The following UBL3 variants were observed in gnomAD, a reference collection of about 807,000 sequenced individuals.
UBL3 encodes the protein ubiquitin like 3.
UBL3 carries 6 observed loss-of-function variants against 18.4 expected under a neutral mutation model. That is an observed-to-expected ratio of 0.33 (90% confidence interval 0.18 to 0.64). The LOEUF is 0.64. Ranked by LOEUF, UBL3 falls within the 30% of genes least tolerant of loss-of-function variation. The pLI is 0.76. For synonymous variants in UBL3, 49 were observed against 46.6 expected, an observed-to-expected ratio of 1.05 and a Z score of -0.21; for missense variants, 109 against 142.9, an observed-to-expected ratio of 0.76 and a Z score of 1.21.
chr13:29,814,076 T>C (rs1293852283), intron 1 of UBL3, among the ~76,000 whole-genome samples: 5 of 152,160 alleles, frequency 3.3e-5, no homozygotes, highest in Non-Finnish European at 7.4e-5. Flanking sequence ...TTCTGAGTTA[T>C]TAGGTCTAAT....
chr13:29,840,875 A>C (rs1184752397), intron 1 of UBL3, among the ~76,000 whole-genome samples: 1 of 152,218 alleles, frequency 6.6e-6, no homozygotes, highest in Admixed American at 6.5e-5. Flanking sequence ...AATCGGTTCA[A>C]AATTATAATA....
intron 1 of UBL3, among the ~76,000 whole-genome samples, chr13:29,800,565 C>G (rs1398722251): frequency 6.6e-6 from 1 of 151,874 alleles, no homozygotes; most frequent in Non-Finnish European, 1.5e-5. Context: ...CTTCTAAAAT[C>G]CTAACAATGA....
chr13:29,829,806 T>C (rs749086993), intron 1 of UBL3, among the ~76,000 whole-genome samples: 1 of 152,222 alleles, frequency 6.6e-6, no homozygotes, highest in African/African-American at 2.4e-5. Flanking sequence ...AGACTGGTGC[T>C]GTTCCTATTC....
intron 1 of UBL3, among the ~76,000 whole-genome samples, chr13:29,849,186 T>A (rs931493595): frequency 6.6e-6 from 1 of 152,242 alleles, no homozygotes; most frequent in Non-Finnish European, 1.5e-5. Context: ...CCACTGTCCC[T>A]GACGTTTTCA....
At chr13:29,772,903 C>G (rs1876882439) in intron 2 of UBL3, among the ~76,000 whole-genome samples, 1 of 152,054 alleles carries the variant, frequency 6.6e-6, no homozygotes, top group African/African-American at 2.4e-5. Flanking sequence ...TATTTAACTT[C>G]AGCCTATAAT....
At chr13:29,795,872 C>A (rs1474741196) in intron 1 of UBL3, among the ~76,000 whole-genome samples, 2 of 150,724 alleles carry the variant, frequency 1.3e-5, no homozygotes, top group Non-Finnish European at 3.0e-5. Flanking sequence ...TTTGAGGCTA[C>A]AACGAGCTAT....
chr13:29,817,120 C>T (rs1000183015), intron 1 of UBL3, among the ~76,000 whole-genome samples: 1 of 152,154 alleles, frequency 6.6e-6, no homozygotes, highest in African/African-American at 2.4e-5. Context: ...AAATACTAAA[C>T]CACCTCAATC....
intron 1 of UBL3, among the ~76,000 whole-genome samples, chr13:29,846,735 C>T (rs543123433): frequency 8.5e-5 from 13 of 152,278 alleles, no homozygotes; most frequent in South Asian, 2.1e-4. Context: ...TCCTATACAA[C>T]TGACAAGCAC....
chr13:29,839,055 C>G (rs1293448458), intron 1 of UBL3, among the ~76,000 whole-genome samples: 1 of 152,068 alleles, frequency 6.6e-6, no homozygotes, highest in African/African-American at 2.4e-5. Context: ...AAATATGAGG[C>G]ACAATTTGAG....
chr13:29,807,032 C>T (rs1461162280), intron 1 of UBL3, among the ~76,000 whole-genome samples: 1 of 151,898 alleles, frequency 6.6e-6, no homozygotes, highest in Non-Finnish European at 1.5e-5. Flanking sequence ...ATGATGAAAT[C>T]ACAAAGAAAG....
intron 1 of UBL3, among the ~76,000 whole-genome samples, chr13:29,805,727 T>C (rs1181862006): frequency 6.6e-6 from 1 of 152,240 alleles, no homozygotes; most frequent in Non-Finnish European, 1.5e-5. Context: ...ATTCATTATA[T>C]ACATTTTCCA....
chr13:29,828,828 G>A (rs914697221), intron 1 of UBL3, among the ~76,000 whole-genome samples: 1 of 152,236 alleles, frequency 6.6e-6, no homozygotes, highest in Non-Finnish European at 1.5e-5. Context: ...GGTCTTTGAC[G>A]ATGGTGACGT....
At chr13:29,781,594 C>T (rs1877175365) in intron 1 of UBL3, among the ~76,000 whole-genome samples, 1 of 151,816 alleles carries the variant, frequency 6.6e-6, no homozygotes, top group Admixed American at 6.6e-5. Context: ...TGGGGGAACG[C>T]TGATAATAGG....
chr13:29,846,141 T>A (rs893595377), intron 1 of UBL3, among the ~76,000 whole-genome samples: 1 of 152,086 alleles, frequency 6.6e-6, no homozygotes, highest in Non-Finnish European at 1.5e-5. Context: ...TATAGCCGCA[T>A]CATGAACTAT....
At chr13:29,833,308 A>G (rs1878830863) in intron 1 of UBL3, among the ~76,000 whole-genome samples, 1 of 152,230 alleles carries the variant, frequency 6.6e-6, no homozygotes, top group South Asian at 2.1e-4. Flanking sequence ...AGTGGAGATA[A>G]AAGAGGAAAT....
chr13:29,771,702 A>C (rs1420455066), intron 3 of UBL3, among the ~76,000 whole-genome samples: 1 of 152,044 alleles, frequency 6.6e-6, no homozygotes, highest in Admixed American at 6.6e-5. Context: ...TTATTCTCAC[A>C]TGATTAGCAA....
rs1486008366 is a variant in UBL3, at chr13:29,849,556, A to C, written c.-18T>G. ...CTGGACATCTTGCCGTTTGATATAC[A>C]CCCAGATGTTTACGAAAAAAACAAA... On this transcript the variant is annotated 5_prime_UTR_variant, in exon 1 of 5. Transcript: ENST00000380680. The C allele has an allele frequency of 6.2e-7, 1 of 1,613,692 alleles. No individual in the cohort carries two copies. The highest frequency in any genetic ancestry group is 1.1e-5 in the South Asian group (1 of 91,072).
rs537153924 is a variant in UBL3 at position 29,827,054 on chromosome 13, T to C, written c.27+22458A>G. The stretch of plus-strand genomic sequence containing the variant: ...ATTGCACTGTGGTCTGAGAGACAGT[T>C]TGTTATAATTTCTGTTCTTTTACAT... On this transcript the variant is annotated intron_variant, in intron 1 of 4. Coordinates refer to ENST00000380680, the MANE Select transcript of UBL3 (RefSeq NM_007106.4). 1.3e-3 allele frequency among the ~76,000 whole-genome samples: 202 copies of C among 152,322 alleles called. No homozygotes were observed. The Middle Eastern group carries it at 0.014, about 10-fold the overall frequency.
At position 29,764,768 on chromosome 13, in the gene UBL3, A is replaced by G. The variant is rs1459166827; in HGVS notation, c.*2487T>C. ...TAGGCTCATCATTCAGGCTTTATGT[A>G]CATTACTGGATCTATGCAGCTCTCA... On this transcript the variant is annotated 3_prime_UTR_variant, in exon 5 of 5. Transcript: ENST00000380680. 2 of 152,196 alleles carry G rather than the reference A, an allele frequency of 1.3e-5. No individual in the cohort carries two copies. Among genetic ancestry groups the G allele is most frequent in the South Asian group, 2.1e-4 (1 of 4,832 alleles). The allele number at this position is 152,196 out of a possible 1,614,324, so 9.4% of individuals were successfully genotyped here.
Sources: gnomAD v4.1 joint callset for allele counts (sites outside exome capture counted in the v4.1 genomes callset) on GRCh38, gnomAD v4.1.1 for gene constraint, MANE v1.5 for transcripts, NCBI Gene and HGNC (gene_info 2026-07-23, HGNC 2026-07-21) for gene names.